The following CACNA1E variants were observed in gnomAD, a reference collection of about 807,000 sequenced individuals.
The protein encoded by CACNA1E is voltage-dependent R-type calcium channel subunit alpha-1E.
Under a neutral mutation model 259.2 loss-of-function variants are expected in CACNA1E, and 40 were observed. The ratio of observed to expected loss-of-function variants is 0.15; its 90% CI spans 0.12 to 0.20. The LOEUF is 0.20. Among genes scored for constraint, CACNA1E ranks in the 10% least tolerant of loss-of-function variants. CACNA1E has a pLI of 1.00. For missense variants in CACNA1E, 1,874 were observed against 3,040.1 expected (o/e 0.62, Z 9.02); for synonymous variants, 1,104 against 1,138.5 (o/e 0.97, Z 0.61).
rs371345680 is a variant in CACNA1E at position 181,737,645 on chromosome 1, G to A, written c.3543G>A (p.Glu1181=). ...AAEDPVLTNS[E]RNKVLRYFDY... is the part of the protein sequence containing the mutation. ...AGGACCCCGTCCTGACCAACTCGGA[G>A]CGCAACAAAGTGGGTACACAGGGGC... Residue 1181 remains glutamate, a synonymous_variant, in exon 23 of 48, where the codon GAG becomes GAA. Transcript: ENST00000367573. 70 of 1,613,688 alleles carry A rather than the reference G, an allele frequency of 4.3e-5. No individual in the cohort carries two copies. In the African/African-American group the frequency reaches 8.9e-4, roughly 21 times the overall value.
At chr1:181,350,234 C>T (rs76130662) in intron 1 of CACNA1E, among the ~76,000 whole-genome samples, 3,221 of 152,334 alleles carry the variant, frequency 0.021, 111 homozygotes, top group African/African-American at 0.074. Flanking sequence ...TGATATTCTT[C>T]TTCTCTTGAT....
chr1:181,345,177 T>C (rs1652492088), intron 1 of CACNA1E, among the ~76,000 whole-genome samples: 1 of 152,224 alleles, frequency 6.6e-6, no homozygotes. Flanking sequence ...GCTCTGCTCC[T>C]TGGAAGGCAA....
intron 25 of CACNA1E, among the ~76,000 whole-genome samples, chr1:181,746,603 C>A (rs1219356892): frequency 6.6e-6 from 1 of 152,196 alleles, no homozygotes; most frequent in African/African-American, 2.4e-5. Flanking sequence ...TGGTGACAGA[C>A]AAGACCTATG....
chr1:181,506,467 T>G (rs752911137), intron 1 of CACNA1E, among the ~76,000 whole-genome samples: 6 of 152,234 alleles, frequency 3.9e-5, no homozygotes, highest in Non-Finnish European at 7.3e-5. Flanking sequence ...GAATGCCTCA[T>G]GTTCATTCTT....
chr1:181,797,150 G>T (rs1558405492), intron 47 of CACNA1E, among the ~76,000 whole-genome samples: 1 of 152,174 alleles, frequency 6.6e-6, no homozygotes, highest in Non-Finnish European at 1.5e-5. Flanking sequence ...CCAGATTTTG[G>T]AGGAGAGGAT....
intron 2 of CACNA1E, among the ~76,000 whole-genome samples, chr1:181,477,525 C>T (rs1394801561): frequency 6.6e-6 from 1 of 152,202 alleles, no homozygotes. Context: ...AGTAAACAAA[C>T]ACACAGCTCT....
At chr1:181,676,633 T>A (rs551155673) in intron 7 of CACNA1E, among the ~76,000 whole-genome samples, 1 of 152,182 alleles carries the variant, frequency 6.6e-6, no homozygotes, top group Non-Finnish European at 1.5e-5. Context: ...TTAGTATATA[T>A]GTGCTCCGGC....
At chr1:181,752,800 TCCTATTG>T (rs2102668480) in intron 27 of CACNA1E, among the ~76,000 whole-genome samples, 1 of 152,306 alleles carries the variant, frequency 6.6e-6, no homozygotes, top group South Asian at 2.1e-4. Flanking sequence ...ATTAAGTTCT[TCCTATTG>T]CCAGGACCTT....
intron 7 of CACNA1E, among the ~76,000 whole-genome samples, chr1:181,662,795 G>A (rs1432237893): frequency 1.3e-5 from 2 of 152,174 alleles, no homozygotes; most frequent in Admixed American, 6.5e-5. Context: ...GATACCACTG[G>A]TAGAGCTGAC....
Position 181,710,903 on chromosome 1 carries a change from T to C in CACNA1E, c.1056-51T>C, listed in dbSNP as rs112957335. The C allele has an allele frequency of 7.8e-4, 996 of 1,274,674 alleles. 7 individuals are homozygous for C. In the African/African-American group the frequency reaches 0.013, roughly 16 times the overall value. The allele number at this position is 1,274,674 out of a possible 1,614,324, so 79.0% of individuals were successfully genotyped here. A position where few individuals can be genotyped will look rare whatever the true frequency, so the allele number is the denominator to read the frequency against. ...TCTGTTGCTTGATTCACTCTTTCCC[T>C]TAGTCATGGCCCTGTCCAAACCCAG... On this transcript the variant is annotated intron_variant, in intron 7 of 47. Transcript: ENST00000367573.
chr1:181,632,944 T>C (rs1256513575), intron 6 of CACNA1E, among the ~76,000 whole-genome samples: 2 of 152,180 alleles, frequency 1.3e-5, no homozygotes, highest in African/African-American at 2.4e-5. Flanking sequence ...CATAGTCTTT[T>C]TGAGTTTGGA....
intron 3 of CACNA1E, among the ~76,000 whole-genome samples, chr1:181,523,372 G>A (rs1174797888): frequency 6.6e-6 from 1 of 152,230 alleles, no homozygotes; most frequent in African/African-American, 2.4e-5. Flanking sequence ...GTGTGTGGAT[G>A]CTGTTGTGAT....
chr1:181,571,719 C>G (rs1000130277), intron 3 of CACNA1E, among the ~76,000 whole-genome samples: 3 of 152,200 alleles, frequency 2.0e-5, no homozygotes, highest in Admixed American at 1.3e-4. Context: ...TGCTGATGAA[C>G]AGCCTGTCTT....
chr1:181,739,564 T>C, intron 25 of CACNA1E, among the ~76,000 whole-genome samples: 1 of 152,170 alleles, frequency 6.6e-6, no homozygotes, highest in East Asian at 1.9e-4. Context: ...AGTGTTTCCA[T>C]GCATTCAGCA....
intron 3 of CACNA1E, among the ~76,000 whole-genome samples, chr1:181,529,004 A>C (rs1453930261): frequency 6.6e-6 from 1 of 152,210 alleles, no homozygotes; most frequent in Non-Finnish European, 1.5e-5. Flanking sequence ...GATGGGGAAA[A>C]TATCTCCAGG....
At chr1:181,619,502 T>C (rs1221126561) in intron 6 of CACNA1E, among the ~76,000 whole-genome samples, 1 of 152,070 alleles carries the variant, frequency 6.6e-6, no homozygotes, top group African/African-American at 2.4e-5. Flanking sequence ...TAGGAAGCCT[T>C]TGGAGAGCTT....
intron 7 of CACNA1E, among the ~76,000 whole-genome samples, chr1:181,666,761 T>C (rs894697543): frequency 2.0e-5 from 3 of 151,960 alleles, no homozygotes; most frequent in Non-Finnish European, 2.9e-5. Context: ...TGTGTGTGTA[T>C]ATATATGAAT....
At chr1:181,499,572 C>T (rs1665061176) in intron 1 of CACNA1E, among the ~76,000 whole-genome samples, 1 of 152,176 alleles carries the variant, frequency 6.6e-6, no homozygotes, top group Non-Finnish European at 1.5e-5. Context: ...TGTAGAGACT[C>T]TGGGATTCTA....
chr1:181,372,830 T>TA (rs1426861536), intron 1 of CACNA1E, among the ~76,000 whole-genome samples: 12 of 123,848 alleles, frequency 9.7e-5, no homozygotes, highest in African/African-American at 2.9e-4. Context: ...ATATATATAT[T>TA]TTTTTTTTAA....
Sources: allele counts gnomAD v4.1 joint callset (sites outside exome capture counted in the v4.1 genomes callset), GRCh38; gene constraint gnomAD v4.1.1; transcripts MANE v1.5; gene names NCBI Gene and HGNC (gene_info 2026-07-23, HGNC 2026-07-21).